WDR13: variants seen among roughly 807,000 people sequenced by gnomAD.
WDR13 encodes WD repeat-containing protein 13.
WDR13 carries 1 observed loss-of-function variant against 28.6 expected under a neutral mutation model. The ratio of observed to expected loss-of-function variants is 0.03; its 90% CI spans 0.01 to 0.17. The LOEUF (loss-of-function observed/expected upper bound fraction) is 0.17. Among genes scored for constraint, WDR13 ranks in the 10% least tolerant of loss-of-function variants. The probability of loss-of-function intolerance (pLI) is 1.00; values close to 1 mark genes in which losing one functional copy is unlikely to be tolerated. For missense variants in WDR13, 264 were observed against 469.3 expected (o/e 0.56, Z 4.04); for synonymous variants, 201 against 185.9 (o/e 1.08, Z -0.66).
intron 6 of WDR13, 84 bp from the exon 7 acceptor site, chrX:48,601,700 C>A: frequency 1.0e-6 from 1 of 975,371 alleles, no homozygotes; most frequent in South Asian, 2.7e-5. Flanking sequence ...ACCAGCCAGT[C>A]GCATCAACAG....
At position 48,605,086 on chromosome X, in the gene WDR13, G is replaced by C; in HGVS notation, c.*54G>C. 1 of 1,153,398 alleles carries C rather than the reference G, an allele frequency of 8.7e-7. No homozygotes were observed. Among genetic ancestry groups the C allele is most frequent in the African/African-American group, 1.8e-5 (1 of 56,578 alleles). ...ATCCCACCCCTCTTACTCCAGCCTC[G>C]TGTTGTAAATAAAGTTTCGGTGGTC... On this transcript the variant is annotated 3_prime_UTR_variant, in exon 10 of 10. Coordinates refer to ENST00000376729, the MANE Select transcript of WDR13 (RefSeq NM_001347217.2).
At chrX:48,602,325 A>G (rs971273846) in intron 8 of WDR13, 119 bp downstream of exon 8, 6 of 832,782 alleles carry the variant, frequency 7.2e-6, no homozygotes, top group Non-Finnish European at 1.0e-5. Flanking sequence ...TAGCAGTAAC[A>G]GTAATAGCAG....
In WDR13 at chrX:48,599,659, C is replaced by T. The variant is rs1569488223; in HGVS notation, c.465C>T (p.Ser155=). 7 of 1,212,546 alleles carry T rather than the reference C, an allele frequency of 5.8e-6. No homozygotes were observed. Among genetic ancestry groups the T allele is most frequent in the Non-Finnish European group, 7.8e-6 (7 of 895,687 alleles). ...CCATGGCCGGGGACACGTCACTGAG[C>T]GAGAACTATGCCTTTGCGGGCATGT... ...SRAMAGDTSL[S]ENYAFAGMYH... Residue 155 remains serine (S), a synonymous_variant, in exon 5 of 10, where the codon AGC becomes AGT. Transcript: ENST00000376729.
intron 1 of WDR13, 79 bp from the exon 2 acceptor site, chrX:48,597,879 G>T: frequency 9.2e-7 from 1 of 1,085,522 alleles, no homozygotes; most frequent in South Asian, 2.3e-5. Flanking sequence ...CGATGTCTAT[G>T]GCAATGGTCG....
chrX:48,606,501 CT>C lies in WDR13; in HGVS notation c.*1470del, dbSNP rs1408766852. Reference sequence around the variant, plus strand: ...GGAATCTCCATCCCTCAGACCACCCCTGTCTCCTCCCAGCCCCATCCAGGGT... The same window carrying C: ...GGAATCTCCATCCCTCAGACCACCCCGTCTCCTCCCAGCCCCATCCAGGGT... On this transcript the variant is annotated 3_prime_UTR_variant, in exon 10 of 10. Coordinates refer to ENST00000376729, the MANE Select transcript of WDR13 (RefSeq NM_001347217.2). 9.0e-6 allele frequency: 1 copy of C among 111,224 alleles called. No individual in the cohort carries two copies. The highest frequency in any genetic ancestry group is 2.8e-4 in the East Asian group (1 of 3,547). 9.2% of individuals were successfully genotyped at this position (111,224 alleles called of 1,213,427 possible).
At chrX:48,598,661 C>A in intron 2 of WDR13, 56 bp from the exon 3 acceptor site, 1 of 490,986 alleles carries the variant, frequency 2.0e-6, no homozygotes, top group Non-Finnish European at 2.9e-6. Flanking sequence ...CCCCCCCGAG[C>A]TGATTGATTC....
intron 2 of WDR13, chrX:48,598,328 T>C: frequency 9.7e-7 from 1 of 1,029,800 alleles, no homozygotes; most frequent in Non-Finnish European, 1.2e-6. Context: ...GGGTGTCCCC[T>C]AGACTTTTTT....
chrX:48,599,530 A>C (rs2062168945), intron 4 of WDR13, 57 bp from the exon 5 acceptor site: 1 of 1,209,204 alleles, frequency 8.3e-7, no homozygotes, highest in Non-Finnish European at 1.1e-6. Context: ...GGGCAATGGC[A>C]GACTGAACAC....
chrX:48,603,543 G>A (rs1209755289), intron 8 of WDR13, among the ~76,000 whole-genome samples: 2 of 112,000 alleles, frequency 1.8e-5, no homozygotes, highest in Non-Finnish European at 3.8e-5. Context: ...AGCTACTTGG[G>A]AGGCTGAGGC....
chrX:48,601,203 A>G (rs2062183291), intron 6 of WDR13, among the ~76,000 whole-genome samples: 2 of 112,706 alleles, frequency 1.8e-5, no homozygotes, highest in Non-Finnish European at 3.8e-5. Flanking sequence ...CCCATCAGCT[A>G]CAGTCCTACA....
At chrX:48,601,240 G>A (rs781870108) in intron 6 of WDR13, among the ~76,000 whole-genome samples, 19 of 112,971 alleles carry the variant, frequency 1.7e-4, no homozygotes, top group African/African-American at 4.8e-4. Context: ...GGCTACCTCT[G>A]AGGAGCAGGA....
chrX:48,607,394 G>GGGGC lies in WDR13; in HGVS notation c.*2362_*2363insGGGC, dbSNP rs1556996248. The stretch of plus-strand genomic sequence containing the variant: ...GTTTTTTTTTGGCGGGGGGGGGGGG[G>GGGGC]TCTTGCTCTGACGCCCAGGCTGGAA... On this transcript the variant is annotated 3_prime_UTR_variant, in exon 10 of 10. Transcript: ENST00000376729. 2.6e-5 allele frequency: 1 copy of GGGGC among 37,871 alleles called. No homozygotes were observed. The highest frequency in any genetic ancestry group is 6.3e-5 in the Non-Finnish European group (1 of 15,856). The allele number at this position is 37,871 out of a possible 1,213,427, so 3.1% of individuals were successfully genotyped here. A position where few individuals can be genotyped will look rare whatever the true frequency, so the allele number is the denominator to read the frequency against.
At position 48,602,532 on chromosome X, in the gene WDR13, C is replaced by CT. The variant is rs55822629; in HGVS notation, c.1154+345dup. On this transcript the variant is annotated intron_variant, in intron 8 of 9. Coordinates refer to ENST00000376729, the MANE Select transcript of WDR13 (RefSeq NM_001347217.2). ...CCTGTTTTCCTTTCTTCCTTCCTTC[C>CT]TTTTTTTTTTTTTTTTTTTGCGGGG... is the stretch of plus-strand genomic sequence containing the variant. Among the ~76,000 whole-genome samples, 695 of 83,797 alleles carry CT rather than the reference C, an allele frequency of 8.3e-3. 6 individuals carry two copies. The highest frequency in any genetic ancestry group is 0.019 in the African/African-American group (452 of 23,981). The allele number at this position is 83,797 out of a possible 115,157, so 72.8% of individuals were successfully genotyped here. A position where few individuals can be genotyped will look rare whatever the true frequency, so the allele number is the denominator to read the frequency against.
rs1406678755 is a variant in WDR13 at position 48,607,002 on chromosome X, G to A, written c.*1970G>A. On this transcript the variant is annotated 3_prime_UTR_variant, in exon 10 of 10. Coordinates refer to ENST00000376729, the MANE Select transcript of WDR13 (RefSeq NM_001347217.2). ...GGTGGTGAGATAGGGACATCAGTGA[G>A]CTGGATTGTTCCCATGGTAAAGGTC... 1 of 111,451 alleles carries A rather than the reference G, an allele frequency of 9.0e-6. No homozygotes were observed. The highest frequency in any genetic ancestry group is 1.9e-5 in the Non-Finnish European group (1 of 53,112). 9.2% of individuals were successfully genotyped at this position (111,451 alleles called of 1,213,427 possible).
At chrX:48,598,992 C>G in intron 3 of WDR13, 35 bp downstream of exon 3, 1 of 1,170,764 alleles carries the variant, frequency 8.5e-7, no homozygotes, top group Non-Finnish European at 1.1e-6. Flanking sequence ...CCGGGCATAC[C>G]CTGCCTGCAC....
intron 8 of WDR13, among the ~76,000 whole-genome samples, chrX:48,603,048 T>C (rs1429125286): frequency 9.0e-6 from 1 of 111,556 alleles, no homozygotes; most frequent in African/African-American, 3.3e-5. Context: ...GACAGGGTTT[T>C]GCTGTTACCC....
Position 48,607,472 on chromosome X carries a change from A to G in WDR13, c.*2440A>G, listed in dbSNP as rs1269213112. ...AGCCTCCACCTCCTGGGTTCAAGCG[A>G]TCCTCGGGCCTCAGCTTCCCGAATA... On this transcript the variant is annotated 3_prime_UTR_variant, in exon 10 of 10. Coordinates refer to ENST00000376729, the MANE Select transcript of WDR13 (RefSeq NM_001347217.2). 3 of 100,452 alleles carry G rather than the reference A, an allele frequency of 3.0e-5. No homozygotes were observed. Among genetic ancestry groups the G allele is most frequent in the African/African-American group, 1.1e-4 (3 of 27,071 alleles). The allele number at this position is 100,452 out of a possible 1,213,427, so 8.3% of individuals were successfully genotyped here. A position where few individuals can be genotyped will look rare whatever the true frequency, so the allele number is the denominator to read the frequency against.
rs1556996344 is a variant in WDR13 at position 48,608,004 on chromosome X, T to TCA, written c.*2972_*2973insCA. The TCA allele has an allele frequency of 3.8e-4, 42 of 110,107 alleles. No homozygotes were observed. The highest frequency in any genetic ancestry group is 1.4e-3 in the African/African-American group (42 of 30,249). 9.1% of individuals were successfully genotyped at this position (110,107 alleles called of 1,213,427 possible). A position where few individuals can be genotyped will look rare whatever the true frequency, so the allele number is the denominator to read the frequency against. ...CCAGGCTGGTCTCCATCTCTTGACC[T>TCA]TGTGATCCGCCTGCCTCGACCTCCC... On this transcript the variant is annotated 3_prime_UTR_variant, in exon 10 of 10. Coordinates refer to ENST00000376729, the MANE Select transcript of WDR13 (RefSeq NM_001347217.2).
At position 48,605,128 on chromosome X, in the gene WDR13, C is replaced by T; in HGVS notation, c.*96C>T. 1 of 1,054,909 alleles carries T rather than the reference C, an allele frequency of 9.5e-7. No individual in the cohort carries two copies. Among genetic ancestry groups the T allele is most frequent in the Non-Finnish European group, 1.3e-6 (1 of 791,843 alleles). 86.9% of individuals were successfully genotyped at this position (1,054,909 alleles called of 1,213,427 possible). On this transcript the variant is annotated 3_prime_UTR_variant, in exon 10 of 10. Transcript: ENST00000376729. ...TCGGTGGTCATGCTGAGGGCCGGCT[C>T]CCAGCTCTGCCGGGGACGGACAGGG...
Sources: allele counts gnomAD v4.1 joint callset (sites outside exome capture counted in the v4.1 genomes callset), GRCh38; gene constraint gnomAD v4.1.1; transcripts MANE v1.5; gene names NCBI Gene and HGNC (gene_info 2026-07-23, HGNC 2026-07-21).